Variants in HORMAD2 observed in about 807,000 individuals in gnomAD.
HORMAD2 encodes the protein HORMA domain-containing protein 2.
HORMAD2 carries 45 observed loss-of-function variants against 38.8 expected under a neutral mutation model. The ratio of observed to expected loss-of-function variants is 1.16; its 90% CI spans 0.91 to 1.49. The LOEUF (loss-of-function observed/expected upper bound fraction) is 1.49, where lower values mean the gene tolerates loss of function less well. Ranked by LOEUF, HORMAD2 falls within the 40% of genes most tolerant of loss-of-function variation. HORMAD2 has a pLI of 0.00. For missense variants in HORMAD2, 338 were observed against 367.0 expected (o/e 0.92, Z 0.65); for synonymous variants, 126 against 122.8 (o/e 1.03, Z -0.17).
intron 5 of HORMAD2, among the ~76,000 whole-genome samples, chr22:30,111,223 T>C (rs889702637): frequency 4.2e-4 from 63 of 149,988 alleles, no homozygotes; most frequent in African/African-American, 1.4e-3. Flanking sequence ...CAGTGGCTCA[T>C]GCCTGTAATT....
chr22:30,157,662 T>C (rs143642003), intron 10 of HORMAD2, among the ~76,000 whole-genome samples: 99 of 152,312 alleles, frequency 6.5e-4, no homozygotes, highest in African/African-American at 2.4e-3. Context: ...TTCTTCTTCA[T>C]TGTAAGTCAA....
chr22:30,176,224 C>A lies in HORMAD2; in HGVS notation c.*57C>A. On this transcript the variant is annotated 3_prime_UTR_variant, in exon 11 of 11. Coordinates refer to ENST00000336726, the MANE Select transcript of HORMAD2 (RefSeq NM_152510.4). ...AATAAGTTTATTTTGTAAAAACATG[C>A]ATAAACTGTCTTAGCAGGAAAGTAC... is the stretch of plus-strand genomic sequence containing the variant. The A allele has an allele frequency of 3.5e-6, 4 of 1,154,180 alleles. No homozygotes were observed. Among genetic ancestry groups the A allele is most frequent in the Non-Finnish European group, 5.1e-6 (4 of 789,694 alleles). The allele number at this position is 1,154,180 out of a possible 1,614,324, so 71.5% of individuals were successfully genotyped here.
chr22:30,160,153 C>A (rs1238652740), intron 10 of HORMAD2, among the ~76,000 whole-genome samples: 1 of 151,840 alleles, frequency 6.6e-6, no homozygotes, highest in African/African-American at 2.4e-5. Flanking sequence ...ACTCTACTGC[C>A]CATCCCTGCT....
At chr22:30,158,630 C>CCCTTT (rs1925255900) in intron 10 of HORMAD2, among the ~76,000 whole-genome samples, 1 of 129,860 alleles carries the variant, frequency 7.7e-6, no homozygotes, top group African/African-American at 2.8e-5. Flanking sequence ...TCCCTCCCTT[C>CCCTTT]CTCCCTTCCT....
intron 7 of HORMAD2, among the ~76,000 whole-genome samples, chr22:30,114,152 T>C (rs913244437): frequency 1.3e-5 from 2 of 152,194 alleles, no homozygotes; most frequent in Non-Finnish European, 2.9e-5. Context: ...GCATATATAA[T>C]AATGAAGTTA....
intron 10 of HORMAD2, among the ~76,000 whole-genome samples, chr22:30,142,305 G>A (rs1008288570): frequency 2.6e-5 from 4 of 151,912 alleles, no homozygotes; most frequent in African/African-American, 9.7e-5. Context: ...GTAAATATAT[G>A]GTTTATGCTG....
chr22:30,164,681 A>T (rs985276693), intron 10 of HORMAD2, among the ~76,000 whole-genome samples: 1 of 152,102 alleles, frequency 6.6e-6, no homozygotes, highest in African/African-American at 2.4e-5. Flanking sequence ...ATTTTAAGAG[A>T]CAGCGTCTCA....
At chr22:30,174,187 A>G (rs1266230129) in intron 10 of HORMAD2, among the ~76,000 whole-genome samples, 4 of 152,216 alleles carry the variant, frequency 2.6e-5, no homozygotes, top group Non-Finnish European at 5.9e-5. Context: ...GTATGTTTAA[A>G]ATATAATATG....
At chr22:30,114,340 A>G (rs992938769) in intron 7 of HORMAD2, among the ~76,000 whole-genome samples, 3 of 152,216 alleles carry the variant, frequency 2.0e-5, no homozygotes, top group Admixed American at 6.5e-5. Flanking sequence ...TAATACTAAA[A>G]CACTCAAAGG....
At chr22:30,159,379 A>G (rs143214668) in intron 10 of HORMAD2, among the ~76,000 whole-genome samples, 115 of 152,334 alleles carry the variant, frequency 7.5e-4, no homozygotes, top group African/African-American at 2.6e-3. Context: ...ATATTATGTC[A>G]TGCTTTAGGT....
chr22:30,184,664 C>G, the HORMAD2 span: 11 of 152,158 alleles, frequency 7.2e-5, no homozygotes, highest in Middle Eastern at 6.8e-3. Flanking sequence ...GGTGGTAGAA[C>G]GATCTATTCT....
chr22:30,133,231 T>C (rs1308441865), intron 10 of HORMAD2, among the ~76,000 whole-genome samples: 1 of 152,080 alleles, frequency 6.6e-6, no homozygotes, highest in African/African-American at 2.4e-5. Context: ...TGTTAAAGTT[T>C]TCTATTTGAT....
At chr22:30,141,410 T>C (rs968142710) in intron 10 of HORMAD2, among the ~76,000 whole-genome samples, 2 of 152,120 alleles carry the variant, frequency 1.3e-5, no homozygotes, top group African/African-American at 4.8e-5. Context: ...AGGTGGTGTT[T>C]GGTTACATGA....
Position 30,094,920 on chromosome 22 carries a change from C to G in HORMAD2, c.51+917C>G, listed in dbSNP as rs186773118. Among the ~76,000 whole-genome samples, 20 of 152,114 alleles carry G rather than the reference C, an allele frequency of 1.3e-4. No individual in the cohort carries two copies. In the East Asian group the frequency reaches 3.5e-3, roughly 26 times the overall value. ...ATTGCACTGTCTTTTCCTATAACAT[C>G]TCTCTCTTTTTCTGGGGATCCAGGA... On this transcript the variant is annotated intron_variant, in intron 2 of 10. Transcript: ENST00000336726.
intron 5 of HORMAD2, among the ~76,000 whole-genome samples, chr22:30,109,042 T>G (rs1311122602): frequency 6.6e-6 from 1 of 151,020 alleles, no homozygotes; most frequent in Non-Finnish European, 1.5e-5. Flanking sequence ...CTTCTTTTTT[T>G]TTTTTGGAGT....
At chr22:30,175,964 AGCTTGAGGGATTAAT>A in intron 10 of HORMAD2, 84 bp from the exon 11 acceptor site, 1 of 771,450 alleles carries the variant, frequency 1.3e-6, no homozygotes, top group Non-Finnish European at 2.2e-6. Context: ...TCCGTTATGC[AGCTTGAGGGATTAAT>A]GCTTGGTCTA....
intron 1 of HORMAD2, among the ~76,000 whole-genome samples, chr22:30,092,106 C>G (rs2068699835): frequency 6.7e-6 from 1 of 148,898 alleles, no homozygotes; most frequent in South Asian, 2.1e-4. Flanking sequence ...GTCTCAAACT[C>G]TTGACCTCAG....
the HORMAD2 span, among the ~76,000 whole-genome samples, chr22:30,198,411 G>A: frequency 6.6e-6 from 1 of 152,152 alleles, no homozygotes; most frequent in Non-Finnish European, 1.5e-5. Flanking sequence ...ACAGTCACCT[G>A]TAGAGATTCA....
chr22:30,093,048 A>T (rs1408766388), intron 1 of HORMAD2, among the ~76,000 whole-genome samples: 1 of 151,952 alleles, frequency 6.6e-6, no homozygotes, highest in African/African-American at 2.4e-5. Context: ...TTTGACAGGG[A>T]TTGCATTTGA....
Sources: gnomAD v4.1 joint callset for allele counts (sites outside exome capture counted in the v4.1 genomes callset) on GRCh38, gnomAD v4.1.1 for gene constraint, MANE v1.5 for transcripts, NCBI Gene and HGNC (gene_info 2026-07-23, HGNC 2026-07-21) for gene names.